RORB: variants seen among roughly 807,000 people sequenced by gnomAD.
RORB encodes nuclear receptor ROR-beta.
In RORB, 6 loss-of-function variants were observed where a neutral mutation model predicts 59.1. The ratio of observed to expected loss-of-function variants is 0.10; its 90% CI spans 0.06 to 0.20. The LOEUF (loss-of-function observed/expected upper bound fraction) is 0.20. Ranked by LOEUF, RORB falls within the 10% of genes least tolerant of loss-of-function variation. RORB has a pLI of 1.00. For missense variants in RORB, 320 were observed against 560.5 expected, an observed-to-expected ratio of 0.57 and a Z score of 4.33; for synonymous variants, 215 against 204.5, an observed-to-expected ratio of 1.05 and a Z score of -0.44.
chr9:74,569,620 G>A (rs1200888277), intron 1 of RORB, among the ~76,000 whole-genome samples: 1 of 152,044 alleles, frequency 6.6e-6, no homozygotes, highest in Non-Finnish European at 1.5e-5. Flanking sequence ...AAGGTAGAAT[G>A]TGTGCTGTTT....
rs1360943365 is a variant in RORB, at chr9:74,497,895, T to G, written c.-82T>G. The G allele has an allele frequency of 9.7e-6, 15 of 1,551,934 alleles. No individual in the cohort carries two copies. Among genetic ancestry groups the G allele is most frequent in the Admixed American group, 1.8e-5 (1 of 55,070 alleles). ...CTTCGCCGACCACCTTCTTCACTCG[T>G]GCTGAGCGGGATTTTTGGGCTCTCC... On this transcript the variant is annotated 5_prime_UTR_variant, in exon 1 of 10. Transcript: ENST00000376896.
chr9:74,586,491 CT>C (rs1288765577), intron 1 of RORB, among the ~76,000 whole-genome samples: 2 of 151,658 alleles, frequency 1.3e-5, no homozygotes, highest in Admixed American at 6.6e-5. Flanking sequence ...GAATGAGAAC[CT>C]GTCTGAAAAG....
chr9:74,684,539 A>G (rs73650035), intron 9 of RORB, among the ~76,000 whole-genome samples: 4,680 of 152,200 alleles, frequency 0.031, 229 homozygotes, highest in African/African-American at 0.11. Flanking sequence ...CTAAACTATA[A>G]GTATGTTAAA....
At chr9:74,584,257 C>T (rs142175636) in intron 1 of RORB, among the ~76,000 whole-genome samples, 2 of 152,188 alleles carry the variant, frequency 1.3e-5, no homozygotes, top group East Asian at 1.9e-4. Flanking sequence ...GTCATTACTG[C>T]GCATGTATAG....
At chr9:74,656,726 A>C (rs1273268812) in intron 4 of RORB, among the ~76,000 whole-genome samples, 1 of 151,976 alleles carries the variant, frequency 6.6e-6, no homozygotes, top group Non-Finnish European at 1.5e-5. Flanking sequence ...ACAGAATGAG[A>C]CTCTGTCTCA....
intron 9 of RORB, among the ~76,000 whole-genome samples, chr9:74,676,830 T>C (rs1436120578): frequency 6.6e-6 from 1 of 152,240 alleles, no homozygotes; most frequent in Non-Finnish European, 1.5e-5. Context: ...ACCACACACC[T>C]GCATCCACAA....
intron 4 of RORB, among the ~76,000 whole-genome samples, chr9:74,653,202 G>C (rs1824023826): frequency 1.3e-5 from 2 of 152,152 alleles, no homozygotes; most frequent in African/African-American, 4.8e-5. Context: ...TACTGCCTAA[G>C]AGCACAGATT....
intron 1 of RORB, chr9:74,499,132 C>CG (rs1177007926): frequency 6.6e-6 from 1 of 152,418 alleles, no homozygotes; most frequent in African/African-American, 2.4e-5. Flanking sequence ...AGCGGTTAAT[C>CG]GGGGGCTCTT....
intron 9 of RORB, among the ~76,000 whole-genome samples, chr9:74,680,534 G>C (rs1824530056): frequency 6.6e-6 from 1 of 152,180 alleles, no homozygotes; most frequent in Admixed American, 6.5e-5. Flanking sequence ...AGGGTAGAAA[G>C]TACAGGCACT....
intron 1 of RORB, among the ~76,000 whole-genome samples, chr9:74,626,751 C>T (rs993145781): frequency 9.2e-5 from 14 of 152,192 alleles, no homozygotes; most frequent in African/African-American, 3.4e-4. Flanking sequence ...GACAATTCCA[C>T]AAGAGCCTAT....
intron 1 of RORB, among the ~76,000 whole-genome samples, chr9:74,613,961 T>G (rs1174173807): frequency 6.6e-6 from 1 of 152,258 alleles, no homozygotes; most frequent in Non-Finnish European, 1.5e-5. Context: ...CCATATTTTA[T>G]TTATTCAAGC....
intron 1 of RORB, among the ~76,000 whole-genome samples, chr9:74,531,457 C>T (rs1054961682): frequency 3.9e-5 from 6 of 151,958 alleles, no homozygotes; most frequent in Non-Finnish European, 7.4e-5. Flanking sequence ...TGAATTTCCC[C>T]TCCTGAATGA....
At chr9:74,513,669 TG>T (rs1235963218) in intron 1 of RORB, among the ~76,000 whole-genome samples, 6 of 152,078 alleles carry the variant, frequency 3.9e-5, no homozygotes, top group African/African-American at 1.2e-4. Flanking sequence ...AATAAAATCA[TG>T]TGCAGGAAGT....
chr9:74,502,929 T>C (rs80242214), intron 1 of RORB, among the ~76,000 whole-genome samples: 2 of 152,058 alleles, frequency 1.3e-5, no homozygotes, highest in Non-Finnish European at 2.9e-5. Flanking sequence ...ACTACTTCTG[T>C]ATTTATTCTA....
chr9:74,551,624 G>A (rs997681698), intron 1 of RORB, among the ~76,000 whole-genome samples: 26 of 152,302 alleles, frequency 1.7e-4, no homozygotes, highest in South Asian at 6.2e-4. Context: ...ACAGATTGGG[G>A]CAGACTACTA....
At chr9:74,611,132 A>C (rs1401596175) in intron 1 of RORB, among the ~76,000 whole-genome samples, 1 of 152,126 alleles carries the variant, frequency 6.6e-6, no homozygotes, top group African/African-American at 2.4e-5. Flanking sequence ...TAGTGTGAAA[A>C]GTGCATAATA....
intron 1 of RORB, among the ~76,000 whole-genome samples, chr9:74,514,114 G>C (rs150445225): frequency 3.3e-5 from 5 of 152,116 alleles, no homozygotes; most frequent in Admixed American, 6.6e-5. Context: ...AGATGACCAC[G>C]CACAATCATA....
chr9:74,637,880 G>T (rs1262373638), intron 3 of RORB, among the ~76,000 whole-genome samples: 1 of 152,062 alleles, frequency 6.6e-6, no homozygotes, highest in Middle Eastern at 3.2e-3. Context: ...TGTTCATTAG[G>T]CACATGCAGC....
At chr9:74,640,554 A>T (rs1823786532) in intron 3 of RORB, among the ~76,000 whole-genome samples, 1 of 151,958 alleles carries the variant, frequency 6.6e-6, no homozygotes, top group African/African-American at 2.4e-5. Flanking sequence ...AAGTGCTGGG[A>T]TTACAGGTGC....
Sources: allele counts gnomAD v4.1 joint callset (sites outside exome capture counted in the v4.1 genomes callset), GRCh38; gene constraint gnomAD v4.1.1; transcripts MANE v1.5; gene names NCBI Gene and HGNC (gene_info 2026-07-23, HGNC 2026-07-21).